The following ZNF710 variants were observed in gnomAD, a reference collection of about 807,000 sequenced individuals.
ZNF710 encodes zinc finger protein 710.
In ZNF710, 13 loss-of-function variants were observed where a neutral mutation model predicts 50.6. That is an observed-to-expected ratio of 0.26 (90% CI 0.17 to 0.41). The LOEUF (loss-of-function observed/expected upper bound fraction) is 0.41, where lower values mean the gene tolerates loss of function less well. ZNF710 is among the 10% of genes least tolerant of loss of function. The pLI, the probability that ZNF710 is intolerant of heterozygous loss-of-function variation, is 1.00. For synonymous variants in ZNF710, 383 were observed against 397.0 expected (o/e 0.96, Z 0.42); for missense variants, 721 against 936.6 (o/e 0.77, Z 3.01).
intron 1 of ZNF710, among the ~76,000 whole-genome samples, chr15:90,044,896 C>G (rs1899412600): frequency 6.6e-6 from 1 of 152,112 alleles, no homozygotes; most frequent in African/African-American, 2.4e-5. Flanking sequence ...GTAAAGGTGG[C>G]CCTGCCTACT....
chr15:90,053,976 G>A (rs1899729009), intron 1 of ZNF710, among the ~76,000 whole-genome samples: 1 of 152,176 alleles, frequency 6.6e-6, no homozygotes, highest in African/African-American at 2.4e-5. Context: ...AGAAGGCCGG[G>A]ACTGATCTGG....
chr15:90,005,511 C>T (rs562835102), intron 1 of ZNF710, among the ~76,000 whole-genome samples: 5 of 152,196 alleles, frequency 3.3e-5, no homozygotes, highest in African/African-American at 7.2e-5. Flanking sequence ...TGCAGTGGCG[C>T]GATCTCAGCT....
chr15:90,057,976 C>G (rs1236617884), intron 1 of ZNF710, among the ~76,000 whole-genome samples: 1 of 152,170 alleles, frequency 6.6e-6, no homozygotes, highest in Admixed American at 6.5e-5. Flanking sequence ...TTTTAGGGTA[C>G]TGTGACCTCT....
intron 1 of ZNF710, among the ~76,000 whole-genome samples, chr15:90,046,366 C>T (rs1012574971): frequency 7.9e-5 from 12 of 152,200 alleles, no homozygotes; most frequent in African/African-American, 2.7e-4. Context: ...GTACAGCTCA[C>T]AGCCAAGTGC....
chr15:90,012,207 A>G (rs1898324748), intron 1 of ZNF710, among the ~76,000 whole-genome samples: 1 of 151,686 alleles, frequency 6.6e-6, no homozygotes, highest in African/African-American at 2.4e-5. Flanking sequence ...CCATCTCAAA[A>G]GAAAAAAAAA....
chr15:90,064,933 A>G (rs190775054), intron 1 of ZNF710, among the ~76,000 whole-genome samples: 2 of 152,032 alleles, frequency 1.3e-5, no homozygotes, highest in Admixed American at 1.3e-4. Flanking sequence ...CACTGGCATG[A>G]CTTTGCTTAG....
intron 1 of ZNF710, among the ~76,000 whole-genome samples, chr15:90,017,760 C>T (rs556851709): frequency 2.6e-5 from 4 of 151,916 alleles, no homozygotes; most frequent in South Asian, 4.2e-4. Context: ...TTGCAGAATT[C>T]GAGAATGGAT....
chr15:90,000,058 C>A (rs1051419989), upstream of ZNF710, among the ~76,000 whole-genome samples: 1 of 152,076 alleles, frequency 6.6e-6, no homozygotes, highest in Admixed American at 6.5e-5. Flanking sequence ...CGTTTCTCCC[C>A]CTGGCTGCAG....
At chr15:90,017,968 T>A (rs995021614) in intron 1 of ZNF710, among the ~76,000 whole-genome samples, 1 of 150,770 alleles carries the variant, frequency 6.6e-6, no homozygotes, top group South Asian at 2.1e-4. Context: ...GCATCTCTCT[T>A]AGCAAAGGCT....
chr15:90,079,711 A>T lies in ZNF710; in HGVS notation c.1877A>T (p.Gln626Leu). The change falls in exon 5 of 5, where the codon CAG becomes CTG. Residue 626 changes from glutamine (Q) to leucine (L), a missense_variant. This residue lies in a region of ZNF710 where 69 missense variants were observed against 67.6 expected (regional missense o/e 1.02). Transcript: ENST00000268154. ...GACCCTTCAGAGCTCGACGGCCAGC[A>T]GGAGATGGAGGACTTCGAGGAGAAC... is the stretch of plus-strand genomic sequence containing the variant. ...GTDPSELDGQ[Q>L]EMEDFEENAY... The T allele has an allele frequency of 6.2e-7, 1 of 1,613,994 alleles. No individual in the cohort carries two copies.
intron 1 of ZNF710, among the ~76,000 whole-genome samples, chr15:90,013,202 G>GTTGGCCAGAC (rs1458791848): frequency 7.2e-5 from 11 of 152,168 alleles, no homozygotes; most frequent in Non-Finnish European, 1.5e-4. Context: ...CCGGGTTCAA[G>GTTGGCCAGAC]TGATTCTCCT....
At position 90,019,942 on chromosome 15, in the gene ZNF710, G is replaced by A. The variant is rs79529397; in HGVS notation, c.-29+18328G>A. On this transcript the variant is annotated intron_variant, in intron 1 of 4. Transcript: ENST00000268154. ...CCTGCCCTAATCCAGAGACTAGGTT[G>A]GTGCTTATTGGGGGGCGGTGAGTGG... is the stretch of plus-strand genomic sequence containing the variant. Among the ~76,000 whole-genome samples, 479 of 152,280 alleles carry A rather than the reference G, an allele frequency of 3.1e-3. 1 individual carries two copies. Among genetic ancestry groups the A allele is most frequent in the Middle Eastern group, 6.8e-3 (2 of 294 alleles).
chr15:90,078,204 T>A (rs1464981729), intron 4 of ZNF710, among the ~76,000 whole-genome samples: 1 of 124,280 alleles, frequency 8.0e-6, no homozygotes, highest in Non-Finnish European at 1.7e-5. Flanking sequence ...AGAGCGAAAC[T>A]CGGTCTCAAA....
chr15:90,073,033 C>T, intron 2 of ZNF710, 38 bp from the exon 3 acceptor site: 1 of 1,594,684 alleles, frequency 6.3e-7, no homozygotes, highest in South Asian at 1.1e-5. Context: ...GAGGCTGTGC[C>T]CATTGTGTGG....
chr15:90,035,430 T>C (rs1899092036), intron 1 of ZNF710, among the ~76,000 whole-genome samples: 1 of 152,200 alleles, frequency 6.6e-6, no homozygotes, highest in Non-Finnish European at 1.5e-5. Flanking sequence ...GTGAGCTGGC[T>C]GCGGAAGGCA....
intron 2 of ZNF710, among the ~76,000 whole-genome samples, chr15:90,070,275 G>T (rs551165328): frequency 6.6e-5 from 10 of 151,662 alleles, no homozygotes; most frequent in African/African-American, 2.4e-4. Flanking sequence ...TGGGAAGTTT[G>T]CTTGAACCCA....
chr15:90,043,452 G>T (rs530337652), intron 1 of ZNF710, among the ~76,000 whole-genome samples: 1 of 152,236 alleles, frequency 6.6e-6, no homozygotes, highest in Non-Finnish European at 1.5e-5. Flanking sequence ...GATGGCTGCC[G>T]GCCTGTGGCG....
intron 1 of ZNF710, among the ~76,000 whole-genome samples, chr15:90,045,552 G>A (rs1008086010): frequency 1.6e-4 from 24 of 152,150 alleles, no homozygotes; most frequent in African/African-American, 5.8e-4. Context: ...GGAGGCCAGG[G>A]AGTGGTGGTG....
intron 1 of ZNF710, among the ~76,000 whole-genome samples, chr15:90,018,489 TA>T (rs1898518413): frequency 6.6e-6 from 1 of 152,206 alleles, no homozygotes; most frequent in Non-Finnish European, 1.5e-5. Flanking sequence ...ACCGTGGTTG[TA>T]AAAATTCATT....
Sources: gnomAD v4.1 joint callset for allele counts (sites outside exome capture counted in the v4.1 genomes callset) on GRCh38, gnomAD v4.1.1 for gene constraint, gnomAD v4.1.1 regional missense constraint, MANE v1.5 for transcripts, NCBI Gene and HGNC (gene_info 2026-07-23, HGNC 2026-07-21) for gene names.